Variants in NLGN1 observed in about 807,000 individuals in gnomAD.
NLGN1 encodes neuroligin-1.
NLGN1 carries 12 observed loss-of-function variants against 65.5 expected under a neutral mutation model. The ratio of observed to expected loss-of-function variants is 0.18; its 90% CI spans 0.12 to 0.30. NLGN1 has a LOEUF of 0.30. Among genes scored for constraint, NLGN1 ranks in the 10% least tolerant of loss-of-function variants. NLGN1 has a pLI of 1.00. For missense variants in NLGN1, 750 were observed against 1,007.1 expected (o/e 0.74, Z 3.46); for synonymous variants, 350 against 359.5 (o/e 0.97, Z 0.30).
intron 4 of NLGN1, among the ~76,000 whole-genome samples, chr3:174,267,496 G>T (rs1240255661): frequency 1.3e-5 from 2 of 152,034 alleles, no homozygotes; most frequent in Non-Finnish European, 2.9e-5. Flanking sequence ...TAAATGTTGG[G>T]GGAATCTCAA....
chr3:173,423,258 G>A (rs1374482125), intron 1 of NLGN1, among the ~76,000 whole-genome samples: 1 of 152,142 alleles, frequency 6.6e-6, no homozygotes, highest in African/African-American at 2.4e-5. Context: ...TTAGATTTAG[G>A]TGGAGACACA....
rs191421138 is a variant in NLGN1 at position 173,582,101 on chromosome 3, T to C, written c.-320-22178T>C. Among the ~76,000 whole-genome samples the C allele has an allele frequency of 2.3e-3, 344 of 152,204 alleles. 1 individual carries two copies. Among genetic ancestry groups the C allele is most frequent in the African/African-American group, 7.8e-3 (326 of 41,562 alleles). On this transcript the variant is annotated intron_variant, in intron 2 of 6. Transcript: ENST00000457714. ...TTTTGAATTTTATATACAAATATCA[T>C]CATCCTATAAGCATCTTTCCGCAAC...
At chr3:174,045,633 C>T (rs1448176135) in intron 4 of NLGN1, among the ~76,000 whole-genome samples, 1 of 152,122 alleles carries the variant, frequency 6.6e-6, no homozygotes, top group Admixed American at 6.6e-5. Context: ...GCTAAGATTG[C>T]TTCTACTACA....
chr3:173,959,326 A>G (rs1334465588), intron 4 of NLGN1, among the ~76,000 whole-genome samples: 3 of 152,212 alleles, frequency 2.0e-5, no homozygotes, highest in African/African-American at 7.2e-5. Context: ...TGCTGCTGCT[A>G]TCAGTAGTGA....
intron 4 of NLGN1, among the ~76,000 whole-genome samples, chr3:173,830,692 C>A (rs984802559): frequency 6.6e-6 from 1 of 151,964 alleles, no homozygotes; most frequent in Non-Finnish European, 1.5e-5. Context: ...AATAAAAAAT[C>A]TTCTAGAATT....
At chr3:173,959,182 G>T (rs867867079) in intron 4 of NLGN1, among the ~76,000 whole-genome samples, 12 of 152,240 alleles carry the variant, frequency 7.9e-5, no homozygotes, top group Admixed American at 2.0e-4. Flanking sequence ...GGATGCCCGG[G>T]TCCACAGTCA....
chr3:173,770,978 C>G (rs1418332636), intron 3 of NLGN1, among the ~76,000 whole-genome samples: 1 of 152,106 alleles, frequency 6.6e-6, no homozygotes, highest in Non-Finnish European at 1.5e-5. Context: ...AGCAGAAATC[C>G]TGTGCTCACT....
chr3:174,099,805 C>T (rs6798795), intron 4 of NLGN1, among the ~76,000 whole-genome samples: 30,046 of 151,988 alleles, frequency 0.2, 4,295 homozygotes, highest in African/African-American at 0.41. Context: ...TTAGTTAATT[C>T]TTATATCTCA....
intron 2 of NLGN1, among the ~76,000 whole-genome samples, chr3:173,566,320 T>G (rs913345913): frequency 4.6e-5 from 7 of 152,158 alleles, no homozygotes; most frequent in Non-Finnish European, 2.9e-5. Context: ...GTTCTTGACC[T>G]TCCTTAACCT....
chr3:173,774,581 C>T (rs1780031487), intron 3 of NLGN1, among the ~76,000 whole-genome samples: 1 of 152,108 alleles, frequency 6.6e-6, no homozygotes, highest in Non-Finnish European at 1.5e-5. Context: ...GACTCACTTC[C>T]ACTTCTAGAA....
chr3:173,480,338 A>G (rs988799471), intron 2 of NLGN1, among the ~76,000 whole-genome samples: 2 of 152,140 alleles, frequency 1.3e-5, no homozygotes, highest in Admixed American at 1.3e-4. Flanking sequence ...ATGGGTTTCT[A>G]TTGAAATTGT....
In NLGN1 at chr3:173,851,319, T is replaced by C. The variant is rs114634282; in HGVS notation, c.646+43487T>C. 2.8e-3 allele frequency among the ~76,000 whole-genome samples: 428 copies of C among 152,346 alleles called. 3 individuals are homozygous for C. The highest frequency in any genetic ancestry group is 5.1e-3 in the Non-Finnish European group (348 of 68,030). ...TTATTTCAATAATAAATCATTCATC[T>C]ACATGAATAAAGTTTCTTTTATTGT... On this transcript the variant is annotated intron_variant, in intron 4 of 6. Coordinates refer to ENST00000457714, the Ensembl canonical transcript of NLGN1.
At chr3:173,891,478 A>G (rs537948343) in intron 4 of NLGN1, among the ~76,000 whole-genome samples, 2 of 152,276 alleles carry the variant, frequency 1.3e-5, no homozygotes, top group East Asian at 1.9e-4. Context: ...CCTCTTTTCC[A>G]TATGTGTTAT....
intron 1 of NLGN1, among the ~76,000 whole-genome samples, chr3:173,424,080 T>G (rs949035222): frequency 1.3e-5 from 2 of 152,200 alleles, no homozygotes; most frequent in African/African-American, 4.8e-5. Context: ...CCACCAAGCT[T>G]GGGGCTCACA....
chr3:173,997,057 A>G (rs1238802735), intron 4 of NLGN1, among the ~76,000 whole-genome samples: 1 of 152,188 alleles, frequency 6.6e-6, no homozygotes, highest in African/African-American at 2.4e-5. Context: ...TTAATATTAA[A>G]TAGAATGGAA....
chr3:173,982,537 T>G (rs899172118), intron 4 of NLGN1, among the ~76,000 whole-genome samples: 1 of 152,080 alleles, frequency 6.6e-6, no homozygotes, highest in Non-Finnish European at 1.5e-5. Context: ...ACGGACGTAA[T>G]AAATTTAGAA....
intron 4 of NLGN1, among the ~76,000 whole-genome samples, chr3:174,086,423 T>C (rs1002914473): frequency 4.0e-5 from 6 of 148,928 alleles, no homozygotes; most frequent in Non-Finnish European, 7.4e-5. Flanking sequence ...CATTAATTAC[T>C]AATAGTTTTA....
intron 4 of NLGN1, among the ~76,000 whole-genome samples, chr3:174,048,474 A>T (rs1734104820): frequency 6.6e-6 from 1 of 152,070 alleles, no homozygotes; most frequent in East Asian, 1.9e-4. Context: ...ACAAGTTGAC[A>T]GTTTTGCAAA....
intron 3 of NLGN1, among the ~76,000 whole-genome samples, chr3:173,630,884 T>C (rs1233847346): frequency 6.6e-6 from 1 of 152,112 alleles, no homozygotes; most frequent in Non-Finnish European, 1.5e-5. Context: ...AGAGAGACTC[T>C]TGGGAGAGAT....
Sources: gnomAD v4.1 joint callset for allele counts (sites outside exome capture counted in the v4.1 genomes callset) on GRCh38, gnomAD v4.1.1 for gene constraint, MANE v1.5 for transcripts, NCBI Gene and HGNC (gene_info 2026-07-23, HGNC 2026-07-21) for gene names.